CNTN5: variants seen among roughly 807,000 people sequenced by gnomAD.
CNTN5 encodes the protein contactin-5.
CNTN5 carries 77 observed loss-of-function variants against 129.1 expected under a neutral mutation model. That is an observed-to-expected ratio of 0.60 (90% CI 0.50 to 0.72). The LOEUF is 0.72. Ranked by LOEUF, CNTN5 falls within the 30% of genes least tolerant of loss-of-function variation. The pLI is 0.00. For missense variants in CNTN5, 1,478 were observed against 1,328.8 expected, an observed-to-expected ratio of 1.11 and a Z score of -1.75; for synonymous variants, 509 against 465.6, an observed-to-expected ratio of 1.09 and a Z score of -1.20.
intron 9 of CNTN5, among the ~76,000 whole-genome samples, chr11:100,049,564 A>T (rs1051635902): frequency 2.0e-5 from 3 of 152,262 alleles, no homozygotes; most frequent in Admixed American, 2.0e-4. Flanking sequence ...AAAGAAAAAC[A>T]TTGTCAGACT....
chr11:100,007,332 G>C (rs1419012656), intron 9 of CNTN5, among the ~76,000 whole-genome samples: 1 of 152,046 alleles, frequency 6.6e-6, no homozygotes, highest in African/African-American at 2.4e-5. Context: ...TTTGAAACCA[G>C]ACACTGACTT....
At chr11:99,950,406 G>A (rs1950645678) in intron 7 of CNTN5, among the ~76,000 whole-genome samples, 1 of 152,204 alleles carries the variant, frequency 6.6e-6, no homozygotes, top group Admixed American at 6.5e-5. Context: ...GCGTGAACCT[G>A]GTAGGCGGAG....
At position 99,819,713 on chromosome 11, in the gene CNTN5, T is replaced by C. The variant is rs1388683912; in HGVS notation, c.225T>C (p.Asn75=). 1 of 1,612,020 alleles carries C rather than the reference T, an allele frequency of 6.2e-7. No homozygotes were observed. Residue 75 remains asparagine (N), a synonymous_variant, in exon 4 of 25, where the codon AAT becomes AAC. Transcript: ENST00000524871. The stretch of plus-strand genomic sequence containing the variant: ...CCAGCTGGCTAGGGGCAGCTCAGAA[T>C]TATTATTCCCCCATCAATCTTTATC... ...SSPSWLGAAQ[N]YYSPINLYHS...
At chr11:99,591,355 T>TG (rs1949974294) in intron 3 of CNTN5, among the ~76,000 whole-genome samples, 1 of 149,488 alleles carries the variant, frequency 6.7e-6, no homozygotes, top group Non-Finnish European at 1.5e-5. Context: ...TTTTTTTTTT[T>TG]GAGACAGAAT....
chr11:100,022,586 T>A (rs549452019), intron 9 of CNTN5, among the ~76,000 whole-genome samples: 1 of 152,334 alleles, frequency 6.6e-6, no homozygotes, highest in East Asian at 1.9e-4. Flanking sequence ...ATGAGAACAT[T>A]AATTTATATT....
intron 13 of CNTN5, among the ~76,000 whole-genome samples, chr11:100,183,498 G>C (rs570293262): frequency 6.6e-6 from 1 of 152,256 alleles, no homozygotes; most frequent in African/African-American, 2.4e-5. Context: ...ATAAACTAGA[G>C]TAAAAGTATG....
At chr11:100,006,455 C>T (rs1358291862) in intron 9 of CNTN5, among the ~76,000 whole-genome samples, 1 of 152,106 alleles carries the variant, frequency 6.6e-6, no homozygotes, top group Admixed American at 6.6e-5. Flanking sequence ...ATGTAATGGT[C>T]CAGATCCTTT....
At chr11:99,999,643 C>A (rs1939721062) in intron 8 of CNTN5, among the ~76,000 whole-genome samples, 1 of 152,098 alleles carries the variant, frequency 6.6e-6, no homozygotes, top group Non-Finnish European at 1.5e-5. Context: ...TTGACCCAGC[C>A]ATCCCATTAC....
chr11:100,301,534 G>A (rs1951220047), intron 20 of CNTN5, among the ~76,000 whole-genome samples: 1 of 151,508 alleles, frequency 6.6e-6, no homozygotes, highest in Admixed American at 6.6e-5. Flanking sequence ...AAATATATTA[G>A]GCAAATTAAA....
At chr11:99,873,081 C>G (rs1325564446) in intron 6 of CNTN5, among the ~76,000 whole-genome samples, 2 of 35,112 alleles carry the variant, frequency 5.7e-5, no homozygotes, top group Admixed American at 4.2e-4. Flanking sequence ...ATTACAAACA[C>G]TTTTGTAACT....
At chr11:99,146,331 A>G (rs1457984890) in intron 1 of CNTN5, among the ~76,000 whole-genome samples, 2 of 152,148 alleles carry the variant, frequency 1.3e-5, no homozygotes, top group Non-Finnish European at 2.9e-5. Flanking sequence ...GTGAAAATAA[A>G]TGGGGATAAA....
At chr11:99,842,291 C>T (rs894570785) in intron 4 of CNTN5, among the ~76,000 whole-genome samples, 3 of 152,018 alleles carry the variant, frequency 2.0e-5, no homozygotes, top group East Asian at 1.9e-4. Flanking sequence ...GTGAGTGTTT[C>T]GTGATATTAT....
At chr11:100,036,108 A>G (rs1366619391) in intron 9 of CNTN5, among the ~76,000 whole-genome samples, 2 of 152,170 alleles carry the variant, frequency 1.3e-5, no homozygotes, top group African/African-American at 2.4e-5. Flanking sequence ...CAGCTCTAAC[A>G]TTTAAGTCTT....
chr11:99,347,061 T>C (rs1565509221), intron 2 of CNTN5, among the ~76,000 whole-genome samples: 1 of 152,218 alleles, frequency 6.6e-6, no homozygotes, highest in African/African-American at 2.4e-5. Context: ...CATTTATTCA[T>C]TGTATCAGAT....
chr11:99,477,600 A>G (rs1406816899), intron 2 of CNTN5, among the ~76,000 whole-genome samples: 1 of 151,860 alleles, frequency 6.6e-6, no homozygotes, highest in Admixed American at 6.6e-5. Context: ...TTAGAAAACT[A>G]TAGTTAGAAG....
At chr11:100,193,767 G>A in intron 15 of CNTN5, 104 bp downstream of exon 15, 1 of 838,404 alleles carries the variant, frequency 1.2e-6, no homozygotes, top group Non-Finnish European at 1.8e-6. Context: ...AAAAAAAACA[G>A]AACATCGACT....
intron 7 of CNTN5, among the ~76,000 whole-genome samples, chr11:99,952,988 A>C (rs187327307): frequency 1.3e-5 from 2 of 152,272 alleles, no homozygotes; most frequent in African/African-American, 4.8e-5. Flanking sequence ...GTTCTCTCCA[A>C]ATTCTTTGAC....
intron 3 of CNTN5, among the ~76,000 whole-genome samples, chr11:99,710,505 A>C (rs1031328718): frequency 6.6e-6 from 1 of 151,512 alleles, no homozygotes; most frequent in Non-Finnish European, 1.5e-5. Context: ...TGAATAGTTC[A>C]TGCAAGGGGC....
At chr11:99,308,063 C>T (rs2135961604) in intron 1 of CNTN5, among the ~76,000 whole-genome samples, 1 of 152,264 alleles carries the variant, frequency 6.6e-6, no homozygotes, top group African/African-American at 2.4e-5. Flanking sequence ...GCATCAAACT[C>T]TTCTGAAAGA....
Sources: allele counts gnomAD v4.1 joint callset (sites outside exome capture counted in the v4.1 genomes callset), GRCh38; gene constraint gnomAD v4.1.1; transcripts MANE v1.5; gene names NCBI Gene and HGNC (gene_info 2026-07-23, HGNC 2026-07-21).